Variants in R3HDM1 observed in about 807,000 individuals in gnomAD.
The protein encoded by R3HDM1 is R3H domain containing 1.
Under a neutral mutation model 141.1 loss-of-function variants are expected in R3HDM1, and 46 were observed. The observed-to-expected ratio is 0.33, with a 90% CI of 0.26 to 0.42. R3HDM1 has a LOEUF of 0.42. Ranked by LOEUF, R3HDM1 falls within the 10% of genes least tolerant of loss-of-function variation. The pLI is 1.00. For synonymous variants in R3HDM1, 435 were observed against 472.9 expected (o/e 0.92, Z 1.04); for missense variants, 1,184 against 1,368.3 (o/e 0.87, Z 2.12).
intron 1 of R3HDM1, 197 bp downstream of exon 1, chr2:135,531,830 C>A: frequency 1.0e-6 from 1 of 985,410 alleles, no homozygotes; most frequent in African/African-American, 1.7e-5. Context: ...GCTGCCAGCC[C>A]GCCGTTAGGT....
chr2:135,711,340 G>A (rs1364748287), intron 23 of R3HDM1, among the ~76,000 whole-genome samples: 1 of 152,166 alleles, frequency 6.6e-6, no homozygotes. Flanking sequence ...CAGATATAAT[G>A]TATGGATCTT....
chr2:135,723,792 A>G (rs2076939941), intron 26 of R3HDM1, 145 bp from the exon 27 acceptor site: 1 of 586,782 alleles, frequency 1.7e-6, no homozygotes, highest in East Asian at 3.0e-5. Flanking sequence ...AAAAAAAAAA[A>G]AAAAAAAAAA....
chr2:135,581,516 T>C lies in R3HDM1; in HGVS notation c.-249-20984T>C, dbSNP rs79015947. 7.3e-4 allele frequency: 390 copies of C among 536,566 alleles called. 2 individuals carry two copies. The highest frequency in any genetic ancestry group is 6.9e-3 in the African/African-American group (334 of 48,342). 33.2% of individuals were successfully genotyped at this position (536,566 alleles called of 1,614,324 possible). A position where few individuals can be genotyped will look rare whatever the true frequency, so the allele number is the denominator to read the frequency against. ...TACCACAATCTTTCCTCACCACTTA[T>C]TAATAGTATCTCCTCTCTATGACAT... On this transcript the variant is annotated intron_variant, in intron 1 of 26. Coordinates refer to ENST00000683871, the MANE Select transcript of R3HDM1 (RefSeq NM_001378107.1).
intron 1 of R3HDM1, among the ~76,000 whole-genome samples, chr2:135,581,689 C>T (rs762722343): frequency 6.6e-6 from 1 of 152,166 alleles, no homozygotes; most frequent in Non-Finnish European, 1.5e-5. Context: ...GTGGCATCAA[C>T]ATTCTTTTAT....
intron 1 of R3HDM1, among the ~76,000 whole-genome samples, chr2:135,540,123 G>A (rs1465830105): frequency 1.3e-5 from 2 of 152,178 alleles, no homozygotes; most frequent in African/African-American, 4.8e-5. Context: ...AGACTTACCA[G>A]GAGTAGAGTC....
chr2:135,661,585 C>T (rs2066719729), intron 19 of R3HDM1, among the ~76,000 whole-genome samples, 192 bp downstream of exon 19: 2 of 152,308 alleles, frequency 1.3e-5, no homozygotes, highest in South Asian at 2.1e-4. Flanking sequence ...CACAGTGTCA[C>T]GTCTACATGC....
intron 23 of R3HDM1, among the ~76,000 whole-genome samples, chr2:135,711,245 A>G (rs192931432): frequency 2.1e-4 from 32 of 152,358 alleles, no homozygotes; most frequent in African/African-American, 6.5e-4. Context: ...TACTTGACAA[A>G]TTGGCCCTGT....
intron 1 of R3HDM1, among the ~76,000 whole-genome samples, chr2:135,567,419 C>T (rs1220249148): frequency 6.6e-6 from 1 of 152,168 alleles, no homozygotes; most frequent in East Asian, 1.9e-4. Flanking sequence ...ATAAGCTTTA[C>T]TTTTCACTCC....
chr2:135,719,196 T>C (rs1388676906), intron 24 of R3HDM1, among the ~76,000 whole-genome samples: 1 of 151,462 alleles, frequency 6.6e-6, no homozygotes, highest in African/African-American at 2.4e-5. Flanking sequence ...AATTGCATAT[T>C]TTAAAAAAAT....
chr2:135,592,413 C>G (rs187438598), intron 1 of R3HDM1, among the ~76,000 whole-genome samples: 2 of 152,122 alleles, frequency 1.3e-5, no homozygotes, highest in African/African-American at 2.4e-5. Flanking sequence ...GAGATAACTC[C>G]GAGGTCAAGA....
At chr2:135,548,173 C>G (rs1403796706) in intron 1 of R3HDM1, among the ~76,000 whole-genome samples, 1 of 152,144 alleles carries the variant, frequency 6.6e-6, no homozygotes, top group Non-Finnish European at 1.5e-5. Flanking sequence ...CTTCTAACAT[C>G]TAGATTGCTG....
chr2:135,603,393 A>C (rs1027364023), intron 2 of R3HDM1, among the ~76,000 whole-genome samples: 1 of 152,158 alleles, frequency 6.6e-6, no homozygotes, highest in Admixed American at 6.6e-5. Context: ...CCCCCGCCAC[A>C]AGATTTTATT....
intron 21 of R3HDM1, among the ~76,000 whole-genome samples, chr2:135,689,277 A>G (rs2071926583): frequency 6.6e-6 from 1 of 152,206 alleles, no homozygotes; most frequent in Non-Finnish European, 1.5e-5. Context: ...CATGATGTCT[A>G]TCACTGTTTA....
intron 21 of R3HDM1, among the ~76,000 whole-genome samples, chr2:135,704,027 C>G (rs989879576): frequency 6.6e-6 from 1 of 152,186 alleles, no homozygotes; most frequent in Admixed American, 6.5e-5. Flanking sequence ...GTTGCCCAGG[C>G]TGGAGTGCAG....
At chr2:135,716,416 A>C (rs1479703345) in intron 24 of R3HDM1, among the ~76,000 whole-genome samples, 2 of 152,232 alleles carry the variant, frequency 1.3e-5, no homozygotes, top group African/African-American at 4.8e-5. Context: ...CACCCTCACT[A>C]ACCCTTAGTC....
intron 19 of R3HDM1, among the ~76,000 whole-genome samples, chr2:135,666,282 G>C (rs967910932): frequency 1.3e-5 from 2 of 152,170 alleles, no homozygotes; most frequent in African/African-American, 4.8e-5. Context: ...CTTATTGATA[G>C]GAGAGTCGGC....
chr2:135,639,252 C>T, intron 14 of R3HDM1, 130 bp downstream of exon 14: 1 of 791,250 alleles, frequency 1.3e-6, no homozygotes. Context: ...CCTTGACCAC[C>T]TCCGGAGCAC....
intron 19 of R3HDM1, among the ~76,000 whole-genome samples, chr2:135,674,229 A>G (rs960420601): frequency 2.0e-5 from 3 of 152,266 alleles, no homozygotes. Context: ...GCTGCTGTCT[A>G]TAATCAATAC....
At chr2:135,632,556 G>A in intron 9 of R3HDM1, among the ~76,000 whole-genome samples, 1 of 152,130 alleles carries the variant, frequency 6.6e-6, no homozygotes, top group East Asian at 1.9e-4. Context: ...TTTAAGAATT[G>A]ATTGCTTTAT....
Sources: allele counts gnomAD v4.1 joint callset (sites outside exome capture counted in the v4.1 genomes callset), GRCh38; gene constraint gnomAD v4.1.1; transcripts MANE v1.5; gene names NCBI Gene and HGNC (gene_info 2026-07-23, HGNC 2026-07-21).